Variants in PRIM2 observed in about 807,000 individuals in gnomAD.
PRIM2 encodes the protein DNA primase large subunit.
Under a neutral mutation model 67.3 loss-of-function variants are expected in PRIM2, and 39 were observed. The ratio of observed to expected loss-of-function variants is 0.58; its 90% CI spans 0.45 to 0.76. PRIM2 has a LOEUF of 0.76. Ranked by LOEUF, PRIM2 falls within the 30% of genes least tolerant of loss-of-function variation. The probability of loss-of-function intolerance (pLI) is 0.00; values close to 1 mark genes in which losing one functional copy is unlikely to be tolerated. For synonymous variants in PRIM2, 143 were observed against 198.7 expected, an observed-to-expected ratio of 0.72 and a Z score of 2.36; for missense variants, 398 against 598.7, an observed-to-expected ratio of 0.66 and a Z score of 3.50.
intron 7 of PRIM2, among the ~76,000 whole-genome samples, chr6:57,497,053 A>G (rs1362865723): frequency 5.3e-5 from 8 of 152,238 alleles, no homozygotes; most frequent in African/African-American, 1.7e-4. Context: ...AGATAAAACC[A>G]TAGGATAACA....
upstream of PRIM2, among the ~76,000 whole-genome samples, chr6:57,314,627 A>G (rs939530824): frequency 1.3e-5 from 2 of 152,242 alleles, no homozygotes; most frequent in East Asian, 1.9e-4. Context: ...TGAAACAGTC[A>G]TCCCTGTTTT....
chr6:57,256,428 A>G, the PRIM2 span, among the ~76,000 whole-genome samples: 1 of 152,220 alleles, frequency 6.6e-6, no homozygotes, highest in Non-Finnish European at 1.5e-5. Context: ...TGGAATGTGT[A>G]TGCATGTTAT....
At chr6:57,275,253 G>A in the PRIM2 span, among the ~76,000 whole-genome samples, 4 of 152,198 alleles carry the variant, frequency 2.6e-5, no homozygotes, top group Non-Finnish European at 5.9e-5. Flanking sequence ...GCTCAGGCCT[G>A]TAATCCCAGC....
chr6:57,272,847 G>T, the PRIM2 span, among the ~76,000 whole-genome samples: 1 of 152,152 alleles, frequency 6.6e-6, no homozygotes, highest in Admixed American at 6.5e-5. Context: ...CTCAGCATTT[G>T]CTTGTCTGTG....
At chr6:57,223,113 G>A in the PRIM2 span, among the ~76,000 whole-genome samples, 1 of 152,070 alleles carries the variant, frequency 6.6e-6, no homozygotes, top group Non-Finnish European at 1.5e-5. Context: ...ACACTATACA[G>A]CAACGCAAAA....
At chr6:57,226,323 T>A in the PRIM2 span, among the ~76,000 whole-genome samples, 1 of 152,228 alleles carries the variant, frequency 6.6e-6, no homozygotes, top group African/African-American at 2.4e-5. Context: ...GCCTTTCTGA[T>A]ACAGTGATTT....
the PRIM2 span, among the ~76,000 whole-genome samples, chr6:57,308,132 C>T: frequency 2.3e-5 from 3 of 129,810 alleles, no homozygotes; most frequent in African/African-American, 9.9e-5. Flanking sequence ...TTCTTTTTTT[C>T]TCTCTTTTTT....
chr6:57,323,157 G>A (rs1767718074), intron 3 of PRIM2, among the ~76,000 whole-genome samples: 1 of 151,832 alleles, frequency 6.6e-6, no homozygotes, highest in African/African-American at 2.4e-5. Flanking sequence ...CCTAGTGAGT[G>A]CTCAAGACAT....
chr6:57,614,864 A>ATGTGTGTGTGTG (rs1554357402), intron 12 of PRIM2, among the ~76,000 whole-genome samples: 3 of 150,750 alleles, frequency 2.0e-5, no homozygotes, highest in African/African-American at 4.9e-5. Context: ...ATATATATAT[A>ATGTGTGTGTGTG]TGTATGTGTG....
chr6:57,389,219 C>G (rs1236411456), intron 7 of PRIM2, among the ~76,000 whole-genome samples: 1 of 152,198 alleles, frequency 6.6e-6, no homozygotes, highest in Non-Finnish European at 1.5e-5. Context: ...GTCCGCCTGC[C>G]TTAGCCTCCT....
intron 5 of PRIM2, among the ~76,000 whole-genome samples, chr6:57,370,521 G>A (rs1322921655): frequency 6.6e-6 from 1 of 151,946 alleles, no homozygotes; most frequent in Non-Finnish European, 1.5e-5. Flanking sequence ...GAATTTGTTT[G>A]ACAAATGGAT....
chr6:57,497,272 TGAG>T (rs1486819483), intron 7 of PRIM2, among the ~76,000 whole-genome samples: 43 of 152,308 alleles, frequency 2.8e-4, no homozygotes, highest in Admixed American at 5.2e-4. Context: ...TGAGAGGCCT[TGAG>T]GAGCCTCAGA....
intron 5 of PRIM2, among the ~76,000 whole-genome samples, chr6:57,355,794 G>T (rs866673144): frequency 4.6e-5 from 7 of 152,124 alleles, no homozygotes; most frequent in South Asian, 2.1e-4. Context: ...GTGTCACCAC[G>T]TGTGGCTAAT....
intron 5 of PRIM2, among the ~76,000 whole-genome samples, chr6:57,334,948 A>G (rs903908554): frequency 3.9e-5 from 6 of 152,074 alleles, no homozygotes; most frequent in Admixed American, 2.0e-4. Context: ...CATCTGAGGT[A>G]CCGGGTTCAT....
intron 5 of PRIM2, among the ~76,000 whole-genome samples, chr6:57,338,438 A>C (rs1157999173): frequency 6.6e-6 from 1 of 151,630 alleles, no homozygotes; most frequent in East Asian, 1.9e-4. Context: ...TCCTTGATGA[A>C]CATTGATGCA....
intron 7 of PRIM2, chr6:57,382,714 A>G (rs927129288): frequency 2.0e-5 from 3 of 152,196 alleles, no homozygotes; most frequent in African/African-American, 7.2e-5. Flanking sequence ...TTAAGTGGTG[A>G]TATCTTAAAA....
intron 7 of PRIM2, among the ~76,000 whole-genome samples, chr6:57,456,801 C>T (rs1258385589): frequency 6.6e-6 from 1 of 152,174 alleles, no homozygotes; most frequent in African/African-American, 2.4e-5. Flanking sequence ...CAAAGTCATT[C>T]TCCATCCAGC....
intron 10 of PRIM2, among the ~76,000 whole-genome samples, chr6:57,600,256 TTC>T (rs1445100571): frequency 9.9e-5 from 15 of 152,126 alleles, no homozygotes; most frequent in Non-Finnish European, 2.9e-5. Context: ...GAGGCAAGGA[TTC>T]TGGGTAGGAG....
the PRIM2 span, among the ~76,000 whole-genome samples, chr6:57,270,062 C>A: frequency 6.6e-6 from 1 of 152,034 alleles, no homozygotes; most frequent in African/African-American, 2.4e-5. Flanking sequence ...AGTCAGGTAG[C>A]ATGATGCCTC....
Sources: allele counts gnomAD v4.1 joint callset (sites outside exome capture counted in the v4.1 genomes callset), GRCh38; gene constraint gnomAD v4.1.1; transcripts MANE v1.5; gene names NCBI Gene and HGNC (gene_info 2026-07-23, HGNC 2026-07-21).